Variants in USP2 observed in about 807,000 individuals in gnomAD.
USP2 encodes ubiquitin specific peptidase 2, also known as ubiquitin carboxyl-terminal hydrolase 2.
USP2 carries 33 observed loss-of-function variants against 72.0 expected under a neutral mutation model. The observed-to-expected ratio is 0.46, with a 90% confidence interval of 0.35 to 0.61. The LOEUF (loss-of-function observed/expected upper bound fraction) is 0.61. Among genes scored for constraint, USP2 ranks in the 20% least tolerant of loss-of-function variants. USP2 has a pLI of 0.01. For synonymous variants in USP2, 296 were observed against 312.5 expected (o/e 0.95, Z 0.56); for missense variants, 691 against 797.8 (o/e 0.87, Z 1.61).
At chr11:119,381,244 G>GA (rs1368604463) in intron 1 of USP2, among the ~76,000 whole-genome samples, 3 of 152,066 alleles carry the variant, frequency 2.0e-5, no homozygotes, top group African/African-American at 7.2e-5. Flanking sequence ...CATTTCCTTA[G>GA]AATACACTGA....
intron 2 of USP2, among the ~76,000 whole-genome samples, chr11:119,362,868 C>G (rs1481764657): frequency 6.6e-6 from 1 of 152,252 alleles, no homozygotes; most frequent in Non-Finnish European, 1.5e-5. Flanking sequence ...CTAGTTTTGA[C>G]TCAGTATCAA....
chr11:119,363,533 T>C (rs1950799261), intron 2 of USP2, among the ~76,000 whole-genome samples: 1 of 151,680 alleles, frequency 6.6e-6, no homozygotes, highest in African/African-American at 2.4e-5. Context: ...CGAGACCCAG[T>C]CAAGGTTATG....
chr11:119,359,615 ACTCCCGAGTGTTGCTCAG>A lies in USP2; in HGVS notation c.853_870del (p.Ser286_Leu291del). On this transcript the variant is annotated inframe_deletion, in exon 4 of 13. Coordinates refer to ENST00000260187, the MANE Select transcript of USP2 (RefSeq NM_004205.5). ...AGCCTCTGGAGGCAGTAATCTCTCA[ACTCCCGAGTGTTGCTCAG>A]GCACTGCAGAATTGAGTTCATGAAG... 1 of 1,613,848 alleles carries A rather than the reference ACTCCCGAGTGTTGCTCAG, an allele frequency of 6.2e-7. No individual in the cohort carries two copies. Among genetic ancestry groups the A allele is most frequent in the Non-Finnish European group, 8.5e-7 (1 of 1,179,988 alleles).
chr11:119,366,406 A>G (rs919382129), intron 2 of USP2, among the ~76,000 whole-genome samples: 8 of 152,208 alleles, frequency 5.3e-5, no homozygotes, highest in Non-Finnish European at 2.9e-5. Flanking sequence ...AGCCTTCCCT[A>G]ATTAACTCCA....
intron 2 of USP2, among the ~76,000 whole-genome samples, chr11:119,369,282 C>T (rs1950895846): frequency 6.6e-6 from 1 of 152,072 alleles, no homozygotes; most frequent in Non-Finnish European, 1.5e-5. Context: ...TGTGGCGCCC[C>T]CTGCCACCCG....
rs1950961385 is a variant in USP2 at position 119,373,389 on chromosome 11, G to A, written c.92C>T (p.Thr31Ile). The A allele has an allele frequency of 6.2e-7, 1 of 1,609,474 alleles. No individual in the cohort carries two copies. Among genetic ancestry groups the A allele is most frequent in the East Asian group, 2.2e-5 (1 of 44,874 alleles). ...CAGATTGGCCCCATAGGAGGACGGG[G>A]TGTAGGCACCATAGCCCGACTTGGC... ...HYAKSGYGAY[T>I]PSSYGANLAA... The change falls in exon 2 of 13, where the codon ACC becomes ATC. Residue 31 changes from threonine to isoleucine, a missense_variant. Physicochemically the swap from Thr to Ile is moderately conservative, Grantham distance 89. Transcript: ENST00000260187.
intron 2 of USP2, among the ~76,000 whole-genome samples, chr11:119,370,456 T>G (rs1406261956): frequency 6.6e-6 from 1 of 152,224 alleles, no homozygotes; most frequent in South Asian, 2.1e-4. Flanking sequence ...GCTAGTAAGC[T>G]GAGCACCACA....
intron 1 of USP2, chr11:119,379,256 C>T (rs1350929407): frequency 1.3e-5 from 13 of 985,406 alleles, no homozygotes; most frequent in Non-Finnish European, 1.6e-5. Context: ...GAGGGGCTGC[C>T]CTTTCGGGCC....
chr11:119,359,308 T>C lies in USP2; in HGVS notation c.984A>G (p.Ser328=). The C allele has an allele frequency of 6.2e-7, 1 of 1,614,004 alleles. No homozygotes were observed. Among genetic ancestry groups the C allele is most frequent in the Non-Finnish European group, 8.5e-7 (1 of 1,180,030 alleles). The change falls in exon 5 of 13, where the codon TCA becomes TCG. Residue 328 remains serine (S), a synonymous_variant. Transcript: ENST00000260187. Reference sequence around the variant, plus strand: ...ATGGGCTCACCACATCATTGGGGGATGAAGTCCATATGGTCTGAATTAGTT... The same window carrying C: ...ATGGGCTCACCACATCATTGGGGGACGAAGTCCATATGGTCTGAATTAGTT... ...FAKLIQTIWT[S]SPNDVVSPSE...
At chr11:119,357,146 G>T in intron 12 of USP2, 41 bp downstream of exon 12, 1 of 1,608,214 alleles carries the variant, frequency 6.2e-7, no homozygotes, top group Non-Finnish European at 8.5e-7. Flanking sequence ...GGGAGAGTGG[G>T]TGGCTACAGC....
At chr11:119,357,876 A>G in intron 9 of USP2, 41 bp from the exon 10 acceptor site, 1 of 1,613,752 alleles carries the variant, frequency 6.2e-7, no homozygotes, top group Non-Finnish European at 8.5e-7. Context: ...TGGGGAAGTC[A>G]GTGGGCCCCA....
At chr11:119,358,297 G>A in intron 7 of USP2, 45 bp from the exon 8 acceptor site, 2 of 1,570,604 alleles carry the variant, frequency 1.3e-6, no homozygotes, top group Non-Finnish European at 1.7e-6. Flanking sequence ...AGGAAGTAGA[G>A]CATGGTCTTC....
chr11:119,373,581 C>G (rs983757571), intron 1 of USP2, 60 bp from the exon 2 acceptor site: 1 of 1,412,304 alleles, frequency 7.1e-7, no homozygotes, highest in Non-Finnish European at 9.3e-7. Context: ...TCCCACAGAC[C>G]TGCTCCCCAT....
intron 2 of USP2, chr11:119,364,212 G>T (rs1424882804): frequency 1.2e-5 from 13 of 1,128,020 alleles, no homozygotes; most frequent in Middle Eastern, 3.7e-4. Context: ...GCCGACTGGC[G>T]GCCCCGCCGG....
chr11:119,360,080 C>T (rs977903930), intron 3 of USP2, 104 bp downstream of exon 3: 36 of 1,399,500 alleles, frequency 2.6e-5, no homozygotes, highest in Middle Eastern at 2.5e-4. Flanking sequence ...ACTGGCTGAA[C>T]GGGTAGGGAG....
chr11:119,372,797 G>C lies in USP2; in HGVS notation c.684C>G (p.Tyr228Ter). 1.2e-6 allele frequency: 2 copies of C among 1,602,690 alleles called. No individual in the cohort carries two copies. Among genetic ancestry groups the C allele is most frequent in the Non-Finnish European group, 1.7e-6 (2 of 1,174,812 alleles). The stretch of plus-strand genomic sequence containing the variant: ...ACAGCGTGTAGCGGCCAATGGGTCG[G>C]TAGGTTGGGCTGATGATTTCAGGGA... The part of the protein sequence containing the change: ...SRVPEIISPT[Y>*]RPIGRYTLWE... The change falls in exon 2 of 13, where the codon TAC becomes TAG. Residue 228 changes from tyrosine to a stop codon, truncating the protein, a stop_gained. Coordinates refer to ENST00000260187, the MANE Select transcript of USP2 (RefSeq NM_004205.5). LOFTEE classifies it high-confidence loss of function.
intron 11 of USP2, 58 bp downstream of exon 11, chr11:119,357,425 C>T: frequency 6.2e-7 from 1 of 1,612,218 alleles, no homozygotes; most frequent in Non-Finnish European, 8.5e-7. Context: ...CTCCTGCCCT[C>T]CCTCCGGCCT....
intron 3 of USP2, among the ~76,000 whole-genome samples, 174 bp downstream of exon 3, chr11:119,360,010 G>C (rs547789984): frequency 1.5e-4 from 23 of 152,334 alleles, no homozygotes; most frequent in African/African-American, 5.5e-4. Flanking sequence ...TTCCTGCTGG[G>C]GGTGGGTAAA....
At position 119,358,140 on chromosome 11, in the gene USP2, G is replaced by A; in HGVS notation, c.1341+9C>T. ...GGAGTTCAACAAGGCGGGCAACTGG[G>A]GTGCATACCTTAGCAATGGGCAGTG... On this transcript the variant is annotated intron_variant, in intron 8 of 12. Coordinates refer to ENST00000260187, the MANE Select transcript of USP2 (RefSeq NM_004205.5). 6.2e-7 allele frequency: 1 copy of A among 1,614,064 alleles called. No homozygotes were observed. Among genetic ancestry groups the A allele is most frequent in the Non-Finnish European group, 8.5e-7 (1 of 1,179,968 alleles).
Sources: allele counts gnomAD v4.1 joint callset (sites outside exome capture counted in the v4.1 genomes callset), GRCh38; gene constraint gnomAD v4.1.1; transcripts MANE v1.5; gene names NCBI Gene and HGNC (gene_info 2026-07-23, HGNC 2026-07-21).